EPHA5: variants seen among roughly 807,000 people sequenced by gnomAD.
EPHA5 encodes the protein EPH receptor A5.
A neutral mutation model predicts 105.0 loss-of-function variants in EPHA5; 60 were observed. That is an observed-to-expected ratio of 0.57 (90% CI 0.46 to 0.71). The LOEUF (loss-of-function observed/expected upper bound fraction) is 0.71, where lower values mean the gene tolerates loss of function less well. Among genes scored for constraint, EPHA5 ranks in the 30% least tolerant of loss-of-function variants. The probability of loss-of-function intolerance (pLI) is 0.00; values close to 1 mark genes in which losing one functional copy is unlikely to be tolerated. For missense variants in EPHA5, 1,218 were observed against 1,274.7 expected (o/e 0.96, Z 0.68); for synonymous variants, 513 against 449.1 (o/e 1.14, Z -1.80).
intron 3 of EPHA5, among the ~76,000 whole-genome samples, chr4:65,513,620 T>G (rs1733836080): frequency 6.6e-6 from 1 of 152,132 alleles, no homozygotes; most frequent in East Asian, 1.9e-4. Flanking sequence ...AATCTTGACC[T>G]TGTGATCCGC....
chr4:65,500,738 A>T (rs1732402885), intron 3 of EPHA5, among the ~76,000 whole-genome samples: 1 of 150,492 alleles, frequency 6.6e-6, no homozygotes, highest in Admixed American at 6.7e-5. Context: ...AAAAATATTA[A>T]TATATATAAT....
intron 3 of EPHA5, among the ~76,000 whole-genome samples, chr4:65,520,035 T>G (rs1190883813): frequency 1.3e-5 from 2 of 152,022 alleles, no homozygotes; most frequent in Non-Finnish European, 2.9e-5. Context: ...TACTTTAAAG[T>G]TCATATGGAA....
chr4:65,334,212 T>C (rs776694905), intron 15 of EPHA5, among the ~76,000 whole-genome samples: 28 of 151,978 alleles, frequency 1.8e-4, no homozygotes, highest in Admixed American at 2.0e-4. Flanking sequence ...GTCTATTTGC[T>C]TAATGCTGTA....
intron 5 of EPHA5, among the ~76,000 whole-genome samples, chr4:65,463,600 C>T (rs1403947403): frequency 1.3e-5 from 2 of 152,030 alleles, no homozygotes; most frequent in East Asian, 3.9e-4. Flanking sequence ...ATTACAGTAT[C>T]GCACCTTGCA....
chr4:65,478,625 C>T (rs1329264743), intron 5 of EPHA5, among the ~76,000 whole-genome samples: 1 of 152,054 alleles, frequency 6.6e-6, no homozygotes, highest in Admixed American at 6.6e-5. Context: ...GTGTGCACCA[C>T]CACATCCAGC....
Position 65,630,901 on chromosome 4 carries a change from T to G in EPHA5, c.246+12462A>C, listed in dbSNP as rs59931613. Among the ~76,000 whole-genome samples the G allele has an allele frequency of 5.4e-4, 82 of 152,342 alleles. 1 individual carries two copies. In the East Asian group the frequency reaches 0.014, roughly 26 times the overall value. ...ATGGATAACTCATAAGGTTAGAATA[T>G]TTCCTGGAAACTGTCCCTGTAAGGA... On this transcript the variant is annotated intron_variant, in intron 2 of 16. Transcript: ENST00000613740.
At position 65,601,935 on chromosome 4, in the gene EPHA5, T is replaced by G. The variant is rs545501956; in HGVS notation, c.616A>C (p.Ser206Arg). The G allele has an allele frequency of 4.3e-6, 7 of 1,614,162 alleles. No individual in the cohort carries two copies. The highest frequency in any genetic ancestry group is 5.9e-6 in the Non-Finnish European group (7 of 1,180,014). Residue 206 changes from serine (S) to arginine (R), a missense_variant, in exon 3 of 17, where the codon AGC (serine) becomes CGC (arginine). Ser to Arg is a moderately radical substitution (Grantham distance 110). Transcript: ENST00000613740. ...AAAGCAAGATAAAATCCCTTTTTGC[T>G]TAGAGGTCCTACATCTCTGACCTCT... is the stretch of plus-strand genomic sequence containing the variant. ...NTEVRDVGPL[S>R]KKGFYLAFQD...
intron 2 of EPHA5, among the ~76,000 whole-genome samples, chr4:65,617,403 G>T (rs1745335238): frequency 6.6e-6 from 1 of 152,032 alleles, no homozygotes; most frequent in African/African-American, 2.4e-5. Flanking sequence ...TTTAATACCT[G>T]TTGGCTGAAT....
intron 8 of EPHA5, among the ~76,000 whole-genome samples, chr4:65,370,248 G>T (rs768129725): frequency 6.6e-6 from 1 of 151,970 alleles, no homozygotes; most frequent in Non-Finnish European, 1.5e-5. Flanking sequence ...TACTGAAATT[G>T]TATTTTGTCT....
intron 14 of EPHA5, among the ~76,000 whole-genome samples, chr4:65,336,655 T>TCAAG (rs1405067470): frequency 6.6e-6 from 1 of 152,138 alleles, no homozygotes; most frequent in Non-Finnish European, 1.5e-5. Flanking sequence ...TTTAATAATG[T>TCAAG]CAAGGTCTGA....
rs979396611 is a variant in EPHA5, at chr4:65,640,425, A to T, written c.246+2938T>A. Among the ~76,000 whole-genome samples the T allele has an allele frequency of 2.0e-5, 3 of 151,408 alleles. No individual in the cohort carries two copies. The South Asian group carries it at 6.3e-4, about 32-fold the overall frequency. On this transcript the variant is annotated intron_variant, in intron 2 of 16. Transcript: ENST00000613740. ...CTCAGCCTCCCGAGTAGCTGGGACTACAGGCGCCCACCACCACGCCCAGCT... is the reference window on the plus strand; with the variant it reads ...CTCAGCCTCCCGAGTAGCTGGGACTTCAGGCGCCCACCACCACGCCCAGCT...
chr4:65,573,889 G>A (rs1740511638), intron 3 of EPHA5: 3 of 1,612,098 alleles, frequency 1.9e-6, no homozygotes, highest in Non-Finnish European at 2.5e-6. Context: ...CTGCGAGCCA[G>A]CATTACCCCC....
rs762293488 is a variant in EPHA5, at chr4:65,365,748, T to C, written c.1987+184A>G. ...CTGTTTTTAAATTTTATAAACCAGA[T>C]ATTTGCTGGTTTAAGCTTGAGTTAC... On this transcript the variant is annotated intron_variant, in intron 10 of 16. Coordinates refer to ENST00000613740, the MANE Select transcript of EPHA5 (RefSeq NM_001281766.3). Among the ~76,000 whole-genome samples, 108 of 148,288 alleles carry C rather than the reference T, an allele frequency of 7.3e-4. 1 individual carries two copies. The highest frequency in any genetic ancestry group is 1.3e-3 in the Non-Finnish European group (84 of 66,578).
In EPHA5 at chr4:65,404,393, C is replaced by T. The variant is rs539707153; in HGVS notation, c.1774G>A (p.Gly592Ser). ...VGVILLAVVI[G>S]VLLSGRRCGY... ...TCTTACCTTCCACTGAGGAGGACGC[C>T]GATAACCACTGCCAACAAAATGACT... Residue 592 changes from glycine (G) to serine (S), a missense_variant, in exon 8 of 17, where the codon GGC becomes AGC. Gly to Ser is a moderately conservative substitution (Grantham distance 56, BLOSUM62 0). Coordinates refer to ENST00000613740, the MANE Select transcript of EPHA5 (RefSeq NM_001281766.3). 69 of 1,613,440 alleles carry T rather than the reference C, an allele frequency of 4.3e-5. No individual in the cohort carries two copies. In the South Asian group the frequency reaches 5.8e-4, roughly 14 times the overall value.
At chr4:65,591,552 C>T (rs1560743294) in intron 3 of EPHA5, among the ~76,000 whole-genome samples, 1 of 151,942 alleles carries the variant, frequency 6.6e-6, no homozygotes, top group African/African-American at 2.4e-5. Flanking sequence ...ATATTTATTT[C>T]ATACTCCTTT....
At chr4:65,654,364 C>A (rs566459870) in intron 1 of EPHA5, among the ~76,000 whole-genome samples, 11 of 151,874 alleles carry the variant, frequency 7.2e-5, no homozygotes, top group African/African-American at 2.4e-4. Flanking sequence ...ACTGCCTTAA[C>A]TTTTGTTCAA....
chr4:65,365,326 C>G (rs1717765692), intron 10 of EPHA5, 124 bp from the exon 11 acceptor site: 2 of 810,896 alleles, frequency 2.5e-6, no homozygotes, highest in Non-Finnish European at 1.9e-6. Context: ...AACAAACAAA[C>G]AAACAAAAAG....
chr4:65,647,921 C>A (rs1448385103), intron 1 of EPHA5, among the ~76,000 whole-genome samples: 3 of 152,030 alleles, frequency 2.0e-5, no homozygotes, highest in East Asian at 1.9e-4. Flanking sequence ...AATACAGGAA[C>A]TTTTTAATAA....
At chr4:65,513,705 T>C (rs912415909) in intron 3 of EPHA5, among the ~76,000 whole-genome samples, 1 of 152,170 alleles carries the variant, frequency 6.6e-6, no homozygotes, top group African/African-American at 2.4e-5. Flanking sequence ...TTCTAAGTAC[T>C]TCTAAATCTT....
Sources: gnomAD v4.1 joint callset for allele counts (sites outside exome capture counted in the v4.1 genomes callset) on GRCh38, gnomAD v4.1.1 for gene constraint, MANE v1.5 for transcripts, NCBI Gene and HGNC (gene_info 2026-07-23, HGNC 2026-07-21) for gene names.